Variants in INPPL1 observed in about 807,000 individuals in gnomAD.
The protein encoded by INPPL1 is phosphatidylinositol 3,4,5-trisphosphate 5-phosphatase 2.
A neutral mutation model predicts 139.3 loss-of-function variants in INPPL1; 91 were observed. The ratio of observed to expected loss-of-function variants is 0.65; its 90% CI spans 0.55 to 0.78. INPPL1 has a LOEUF of 0.78. Ranked by LOEUF, INPPL1 falls within the 30% of genes least tolerant of loss-of-function variation. INPPL1 has a pLI of 0.00. For missense variants in INPPL1, 1,411 were observed against 1,665.6 expected (o/e 0.85, Z 2.66); for synonymous variants, 719 against 686.6 (o/e 1.05, Z -0.74).
intron 1 of INPPL1, 145 bp downstream of exon 1, chr11:72,225,311 T>C: frequency 8.2e-7 from 1 of 1,223,006 alleles, no homozygotes; most frequent in Non-Finnish European, 1.0e-6. Context: ...CTTGGCTTTC[T>C]CCTGGGTCTG....
chr11:72,237,218 G>T lies in INPPL1; in HGVS notation c.2974G>T (p.Val992Phe), dbSNP rs1949012106. The change falls in exon 26 of 28, where the codon GTC becomes TTC. Residue 992 changes from valine to phenylalanine, a missense_variant. Val to Phe is a conservative substitution (Grantham distance 50). This residue lies in a region of INPPL1 where 438 missense variants were observed against 425.7 expected (regional missense o/e 1.03). Coordinates refer to ENST00000298229, the MANE Select transcript of INPPL1 (RefSeq NM_001567.4). ...CCCTGCCTACTACGTCCTTGAAGGG[G>T]TCCCGCACCAGCTGCTGCCCCCGGA... is the stretch of plus-strand genomic sequence containing the variant. ...NNPAYYVLEG[V>F]PHQLLPPEPP... is the part of the protein sequence containing the mutation. 6.2e-7 allele frequency: 1 copy of T among 1,613,878 alleles called. No individual in the cohort carries two copies. Among genetic ancestry groups the T allele is most frequent in the African/African-American group, 1.3e-5 (1 of 74,918 alleles).
rs1469370757 is a variant in INPPL1 at position 72,232,753 on chromosome 11, A to G, written c.1840A>G (p.Met614Val). 6.2e-7 allele frequency: 1 copy of G among 1,613,654 alleles called. No homozygotes were observed. The highest frequency in any genetic ancestry group is 8.5e-7 in the Non-Finnish European group (1 of 1,179,868). Residue 614 changes from methionine (M) to valine (V), a missense_variant, in exon 15 of 28, where the codon ATG becomes GTG. Met to Val is a conservative substitution (Grantham distance 21). Around this residue, in one of 5 missense-constraint regions of INPPL1, gnomAD observed 363 missense variants for 446.2 expected, o/e 0.81. Coordinates refer to ENST00000298229, the MANE Select transcript of INPPL1 (RefSeq NM_001567.4). ...WFGDLNYRLD[M>V]DIQEILNYIS... is the part of the protein sequence containing the mutation. Reference sequence around the variant, plus strand: ...TGGGGACCTCAACTACCGCCTGGACATGGATATCCAGGTGCGAGCAGGGCC... The same window carrying G: ...TGGGGACCTCAACTACCGCCTGGACGTGGATATCCAGGTGCGAGCAGGGCC...
At chr11:72,229,272 T>C (rs1181869440) in intron 5 of INPPL1, 42 bp downstream of exon 5, 2 of 1,565,902 alleles carry the variant, frequency 1.3e-6, no homozygotes, top group African/African-American at 2.7e-5. Flanking sequence ...CCCTTACCTC[T>C]GACCTGTCCT....
rs1011212998 is a variant in INPPL1, at chr11:72,225,020, C to A, written c.36C>A (p.Gly12=). 79 of 1,217,468 alleles carry A rather than the reference C, an allele frequency of 6.5e-5. 1 individual carries two copies. In the African/African-American group the frequency reaches 1.2e-3, roughly 19 times the overall value. The allele number at this position is 1,217,468 out of a possible 1,614,324, so 75.4% of individuals were successfully genotyped here. A position where few individuals can be genotyped will look rare whatever the true frequency, so the allele number is the denominator to read the frequency against. ...ASACGAPGPG[G]ALGSQAPSWY... ...CCTGCGGGGCGCCGGGCCCGGGGGG[C>A]GCCCTGGGCAGCCAGGCCCCCTCCT... The change falls in exon 1 of 28, where the codon GGC becomes GGA. Residue 12 remains glycine (G), a synonymous_variant. Coordinates refer to ENST00000298229, the MANE Select transcript of INPPL1 (RefSeq NM_001567.4).
At position 72,224,989 on chromosome 11, in the gene INPPL1, C is replaced by T; in HGVS notation, c.5C>T (p.Ala2Val). 8.5e-7 allele frequency: 1 copy of T among 1,181,358 alleles called. No homozygotes were observed. The highest frequency in any genetic ancestry group is 1.0e-6 in the Non-Finnish European group (1 of 955,760). The allele number at this position is 1,181,358 out of a possible 1,614,324, so 73.2% of individuals were successfully genotyped here. Reference sequence around the variant, plus strand: ...GTGCTGAGCCCTGCGCGGGCCATGGCCTCGGCCTGCGGGGCGCCGGGCCCG... The same window carrying T: ...GTGCTGAGCCCTGCGCGGGCCATGGTCTCGGCCTGCGGGGCGCCGGGCCCG... MASACGAPGPGG... is the reference protein window; with the variant it reads MVSACGAPGPGG... The change falls in exon 1 of 28, where the codon GCC (alanine) becomes GTC (valine). Residue 2 changes from alanine (A) to valine (V), a missense_variant. Physicochemically the swap from Ala to Val is moderately conservative, Grantham distance 64 (BLOSUM62 0). Transcript: ENST00000298229.
chr11:72,228,304 G>A lies in INPPL1; in HGVS notation c.247-44G>A. On this transcript the variant is annotated intron_variant, in intron 2 of 27. Transcript: ENST00000298229. The surrounding 1 kb of genome is among the most constrained non-coding windows in gnomAD (Gnocchi z 5.0). ...GACCTTGATCCAGCCTAGGGCTTGGGGACCTGCTGGCTGACCCTTCCTCCC... is the reference window on the plus strand; with the variant it reads ...GACCTTGATCCAGCCTAGGGCTTGGAGACCTGCTGGCTGACCCTTCCTCCC... 1 of 1,613,998 alleles carries A rather than the reference G, an allele frequency of 6.2e-7. No homozygotes were observed. Among genetic ancestry groups the A allele is most frequent in the East Asian group, 2.2e-5 (1 of 44,876 alleles).
rs1345336250 is a variant in INPPL1 at position 72,232,698 on chromosome 11, C to A, written c.1785C>A (p.Ile595=). Residue 595 remains isoleucine, a synonymous_variant, in exon 15 of 28, where the codon ATC becomes ATA. Transcript: ENST00000298229. ...ACCGGCAGCTCAATGCCTTTGACAT[C>A]TCTCTGCGTTTCACACACCTCTTCT... The part of the protein sequence containing the change: ...LGDRQLNAFD[I]SLRFTHLFWF... 4 of 1,613,958 alleles carry A rather than the reference C, an allele frequency of 2.5e-6. No homozygotes were observed. Among genetic ancestry groups the A allele is most frequent in the South Asian group, 2.2e-5 (2 of 91,070 alleles).
At position 72,226,657 on chromosome 11, in the gene INPPL1, C is replaced by T. The variant is rs145063480; in HGVS notation, c.182+1491C>T. Among the ~76,000 whole-genome samples the T allele has an allele frequency of 4.6e-3, 694 of 152,250 alleles. 3 individuals are homozygous for T. Among genetic ancestry groups the T allele is most frequent in the African/African-American group, 0.016 (652 of 41,520 alleles). ...AAAACTCTAGCCTAGGCAATTGACC[C>T]AACAAGGAAGGGGCCCTATAAGTCT... On this transcript the variant is annotated intron_variant, in intron 1 of 27. Coordinates refer to ENST00000298229, the MANE Select transcript of INPPL1 (RefSeq NM_001567.4).
At chr11:72,236,479 CT>C (rs1401845271) in intron 25 of INPPL1, among the ~76,000 whole-genome samples, 1 of 152,222 alleles carries the variant, frequency 6.6e-6, no homozygotes. Flanking sequence ...AAGGAAACCT[CT>C]TTTCAGCTCT....
At chr11:72,229,804 C>T (rs1193384542) in intron 7 of INPPL1, 52 bp downstream of exon 7, 3 of 1,570,810 alleles carry the variant, frequency 1.9e-6, no homozygotes, top group Admixed American at 1.7e-5. Flanking sequence ...CTGTCATTGG[C>T]CTAGCACTGA....
Position 72,225,155 on chromosome 11 carries a change from G to T in INPPL1, c.171G>T (p.Ala57=), listed in dbSNP as rs562007112. Residue 57 remains alanine, a synonymous_variant, in exon 1 of 28, where the codon GCG becomes GCT. Coordinates refer to ENST00000298229, the MANE Select transcript of INPPL1 (RefSeq NM_001567.4). The stretch of plus-strand genomic sequence containing the variant: ...GCGAGAGCGTGGCGGGGGCCTTCGC[G>T]CTCTGCGTCCTGTGAGTGGGGCGGG... ...RDSESVAGAF[A]LCVLYQKHVH... 3 of 1,230,616 alleles carry T rather than the reference G, an allele frequency of 2.4e-6. No homozygotes were observed. Among genetic ancestry groups the T allele is most frequent in the South Asian group, 8.2e-5 (2 of 24,444 alleles). 76.2% of individuals were successfully genotyped at this position (1,230,616 alleles called of 1,614,324 possible).
At chr11:72,229,339 C>T in intron 5 of INPPL1, 109 bp downstream of exon 5, 3 of 1,407,150 alleles carry the variant, frequency 2.1e-6, no homozygotes, top group South Asian at 2.5e-5. Flanking sequence ...AGTGAACTAG[C>T]CATTGCCTCT....
chr11:72,233,667 ACAT>A lies in INPPL1; in HGVS notation c.2137_2139del (p.Ile713del). The A allele has an allele frequency of 6.2e-7, 1 of 1,614,000 alleles. No homozygotes were observed. The highest frequency in any genetic ancestry group is 8.5e-7 in the Non-Finnish European group (1 of 1,179,986). ...CCCCTCTCCCCAGGTTGCACTGATG[ACAT>A]CGTCACCAGCGACCATTCCCCCGTG... On this transcript the variant is annotated inframe_deletion, in exon 19 of 28. Coordinates refer to ENST00000298229, the MANE Select transcript of INPPL1 (RefSeq NM_001567.4).
chr11:72,233,267 A>G lies in INPPL1; in HGVS notation c.2040+104A>G, dbSNP rs991382033. The G allele has an allele frequency of 3.5e-6, 4 of 1,138,888 alleles. No individual in the cohort carries two copies. In the South Asian group the frequency reaches 4.1e-5, roughly 12 times the overall value. The allele number at this position is 1,138,888 out of a possible 1,614,324, so 70.5% of individuals were successfully genotyped here. Reference sequence around the variant, plus strand: ...CTCTGCAGCTTCCACTCCAGCCTCCATGGCCCCTCTGAGGCCTTTGGGTGA... The same window carrying G: ...CTCTGCAGCTTCCACTCCAGCCTCCGTGGCCCCTCTGAGGCCTTTGGGTGA... On this transcript the variant is annotated intron_variant, in intron 17 of 27. Coordinates refer to ENST00000298229, the MANE Select transcript of INPPL1 (RefSeq NM_001567.4).
rs1421263644 is a variant in INPPL1 at position 72,233,732 on chromosome 11, A to G, written c.2200A>G (p.Ile734Val). The G allele has an allele frequency of 3.1e-6, 5 of 1,613,764 alleles. No individual in the cohort carries two copies. Among genetic ancestry groups the G allele is most frequent in the South Asian group, 1.1e-5 (1 of 91,070 alleles). ...TFEVGVTSQF[I>V]SKKGLSKTSD... ...TGAGGTTGGAGTTACCTCCCAGTTC[A>G]TCTCCAAGAAAGGTGACTGTTCCAG... The change falls in exon 19 of 28, where the codon ATC becomes GTC. Residue 734 changes from isoleucine (I) to valine (V), a missense_variant. Ile to Val is a conservative substitution (Grantham distance 29). This residue lies in a region of INPPL1 where 363 missense variants were observed against 446.2 expected (regional missense o/e 0.81). Coordinates refer to ENST00000298229, the MANE Select transcript of INPPL1 (RefSeq NM_001567.4).
At chr11:72,227,814 A>G (rs923308861) in intron 1 of INPPL1, 32 of 320,996 alleles carry the variant, frequency 1.0e-4, no homozygotes, top group African/African-American at 5.5e-4. Flanking sequence ...CAAATGGGCT[A>G]ACCAGGCTTC....
rs915157319 is a variant in INPPL1 at position 72,229,639 on chromosome 11, A to G, written c.754-24A>G. 3 of 1,613,382 alleles carry G rather than the reference A, an allele frequency of 1.9e-6. No homozygotes were observed. In the Admixed American group the frequency reaches 5.0e-5, roughly 27 times the overall value. On this transcript the variant is annotated intron_variant, in intron 6 of 27. Transcript: ENST00000298229. ...GGCTCTGCTTAGGTGACTCATGTAC[A>G]AGCCTGGTTCTTCCTCCCCCCAGAA...
Position 72,229,954 on chromosome 11 carries a change from A to C in INPPL1, c.874A>C (p.Thr292Pro). Reference protein sequence around the residue: ...ALKALQDMSSTAPPAPQPSTR... With the variant: ...ALKALQDMSSPAPPAPQPSTR... ...GAAGGCCCTACAGGACATGAGCTCC[A>C]CAGCACCCCCAGCTCCGCAGCCATC... The change falls in exon 8 of 28, where the codon ACA becomes CCA. Residue 292 changes from threonine (T) to proline (P), a missense_variant. Coordinates refer to ENST00000298229, the MANE Select transcript of INPPL1 (RefSeq NM_001567.4). 6.2e-7 allele frequency: 1 copy of C among 1,614,094 alleles called. No homozygotes were observed. The highest frequency in any genetic ancestry group is 8.5e-7 in the Non-Finnish European group (1 of 1,180,020).
intron 17 of INPPL1, 134 bp downstream of exon 17, chr11:72,233,297 G>C: frequency 1.9e-6 from 2 of 1,053,360 alleles, no homozygotes; most frequent in Non-Finnish European, 1.4e-6. Context: ...GGGTGATCCT[G>C]GGTATTTTGA....
Sources: gnomAD v4.1 joint callset for allele counts (sites outside exome capture counted in the v4.1 genomes callset) on GRCh38, gnomAD v4.1.1 for gene constraint, gnomAD v4.1.1 regional missense constraint, Gnocchi (gnomAD v3.1) non-coding constraint, MANE v1.5 for transcripts, NCBI Gene and HGNC (gene_info 2026-07-23, HGNC 2026-07-21) for gene names.